The following BZW2 variants were observed in gnomAD, a reference collection of about 807,000 sequenced individuals.
BZW2 encodes eIF5-mimic protein 1.
BZW2 carries 23 observed loss-of-function variants against 53.2 expected under a neutral mutation model. The ratio of observed to expected loss-of-function variants is 0.43; its 90% CI spans 0.31 to 0.61. The LOEUF (loss-of-function observed/expected upper bound fraction) is 0.61. Among genes scored for constraint, BZW2 ranks in the 20% least tolerant of loss-of-function variants. The pLI is 0.09. For missense variants in BZW2, 409 were observed against 503.1 expected, an observed-to-expected ratio of 0.81 and a Z score of 1.79; for synonymous variants, 227 against 186.4, an observed-to-expected ratio of 1.22 and a Z score of -1.77.
At chr7:16,686,803 T>C (rs1185199006) in intron 6 of BZW2, 1 of 152,228 alleles carries the variant, frequency 6.6e-6, no homozygotes, top group Non-Finnish European at 1.5e-5. Flanking sequence ...AGTTTTCTTG[T>C]AGCTAAGGAA....
At chr7:16,704,118 C>T (rs746979796) in intron 10 of BZW2, among the ~76,000 whole-genome samples, 1 of 152,096 alleles carries the variant, frequency 6.6e-6, no homozygotes, top group East Asian at 1.9e-4. Flanking sequence ...AAAAGAAAAT[C>T]CCAATCTCCT....
intron 6 of BZW2, among the ~76,000 whole-genome samples, chr7:16,688,872 A>G (rs767289686): frequency 1.3e-5 from 2 of 152,162 alleles, no homozygotes; most frequent in African/African-American, 2.4e-5. Flanking sequence ...TTTTAAATCC[A>G]GAAGAGTTTA....
At chr7:16,676,352 C>T (rs1367250965) in intron 3 of BZW2, among the ~76,000 whole-genome samples, 1 of 152,024 alleles carries the variant, frequency 6.6e-6, no homozygotes, top group Non-Finnish European at 1.5e-5. Context: ...AGTTCGAGAC[C>T]AGCCTGACCA....
intron 2 of BZW2, among the ~76,000 whole-genome samples, chr7:16,674,112 C>T (rs985322760): frequency 1.3e-5 from 2 of 152,130 alleles, no homozygotes; most frequent in African/African-American, 4.8e-5. Context: ...TTTGGCGAGG[C>T]TGGTCTCGAA....
At chr7:16,695,034 A>G (rs1342144211) in intron 8 of BZW2, 30 bp downstream of exon 8, 1 of 1,504,312 alleles carries the variant, frequency 6.6e-7, no homozygotes, top group Non-Finnish European at 9.0e-7. Context: ...CATCACCTCA[A>G]TACACATGAA....
chr7:16,698,037 T>C lies in BZW2; in HGVS notation c.970-11T>C, dbSNP rs1365754687. 1 of 1,613,858 alleles carries C rather than the reference T, an allele frequency of 6.2e-7. No individual in the cohort carries two copies. Among genetic ancestry groups the C allele is most frequent in the Non-Finnish European group, 8.5e-7 (1 of 1,179,896 alleles). On this transcript the variant is annotated splice_polypyrimidine_tract_variant and intron_variant, in intron 9 of 11. Transcript: ENST00000258761. The stretch of plus-strand genomic sequence containing the variant: ...GCAAGTGACGGCTTTTACTCTCCAC[T>C]TCTGTTCTAGCAATATGCTCCCCTG...
At chr7:16,673,973 CA>C (rs1782688077) in intron 2 of BZW2, among the ~76,000 whole-genome samples, 1 of 152,238 alleles carries the variant, frequency 6.6e-6, no homozygotes, top group Non-Finnish European at 1.5e-5. Context: ...TGTCTCTGCT[CA>C]CCGCAACCTC....
At chr7:16,683,749 TGTTA>T (rs1783028888) in intron 5 of BZW2, among the ~76,000 whole-genome samples, 2 of 152,252 alleles carry the variant, frequency 1.3e-5, no homozygotes, top group African/African-American at 2.4e-5. Context: ...CAGATTTGTT[TGTTA>T]CTTTGTCATT....
chr7:16,692,201 T>C (rs1273483300), intron 7 of BZW2, among the ~76,000 whole-genome samples: 5 of 152,164 alleles, frequency 3.3e-5, no homozygotes. Context: ...GAGCAATTTA[T>C]AGCAACTCAG....
intron 2 of BZW2, among the ~76,000 whole-genome samples, chr7:16,670,295 T>G (rs969735844): frequency 5.3e-5 from 8 of 152,240 alleles, no homozygotes; most frequent in African/African-American, 1.9e-4. Context: ...GATGAAGATC[T>G]TTTTACAAAC....
At chr7:16,686,302 A>C in intron 6 of BZW2, 1 of 394,282 alleles carries the variant, frequency 2.5e-6, no homozygotes, top group South Asian at 2.9e-5. Flanking sequence ...AATCTCATGG[A>C]AGACTTGATG....
At chr7:16,668,472 C>G (rs904623693) in intron 2 of BZW2, among the ~76,000 whole-genome samples, 9 of 152,164 alleles carry the variant, frequency 5.9e-5, no homozygotes, top group African/African-American at 2.2e-4. Flanking sequence ...CATTTTGTGC[C>G]AAACTCCTGA....
chr7:16,686,249 C>T (rs764794963), intron 6 of BZW2: 2 of 660,676 alleles, frequency 3.0e-6, no homozygotes, highest in East Asian at 3.2e-5. Context: ...AAAATATGCA[C>T]ACCTGTACAA....
chr7:16,697,113 TTTTGTTTG>T (rs112462717), intron 9 of BZW2, 52 bp downstream of exon 9: 8 of 1,569,692 alleles, frequency 5.1e-6, no homozygotes, highest in Middle Eastern at 1.7e-4. Context: ...CTGCAGCTTT[TTTTGTTTG>T]TTTGTTTGTT....
chr7:16,678,984 G>A (rs1782855142), intron 3 of BZW2, among the ~76,000 whole-genome samples: 1 of 152,050 alleles, frequency 6.6e-6, no homozygotes, highest in Non-Finnish European at 1.5e-5. Context: ...AGATCACAAG[G>A]CCAGGGCGAA....
rs185482632 is a variant in BZW2 at position 16,674,203 on chromosome 7, A to G, written c.59-209A>G. Among the ~76,000 whole-genome samples the G allele has an allele frequency of 1.1e-3, 169 of 152,302 alleles. 2 individuals are homozygous for G. Among genetic ancestry groups the G allele is most frequent in the Admixed American group, 8.1e-3 (124 of 15,294 alleles). ...GCGTGAGCCACCGCGCCCGGCCTAC[A>G]GTAACTTATTTTAAAAGAGACATCC... On this transcript the variant is annotated intron_variant, in intron 2 of 11. Coordinates refer to ENST00000258761, the MANE Select transcript of BZW2 (RefSeq NM_014038.3).
chr7:16,694,766 CTT>C, intron 7 of BZW2, 66 bp from the exon 8 acceptor site: 1 of 1,287,350 alleles, frequency 7.8e-7, no homozygotes, highest in Non-Finnish European at 1.0e-6. Context: ...GAAATGAAGA[CTT>C]TTGTCCTTTA....
chr7:16,696,940 T>G lies in BZW2; in HGVS notation c.848T>G (p.Met283Arg). 6.2e-7 allele frequency: 1 copy of G among 1,614,078 alleles called. No homozygotes were observed. Among genetic ancestry groups the G allele is most frequent in the Non-Finnish European group, 8.5e-7 (1 of 1,179,970 alleles). ...GTGGTGCTTTATGTCAAAGAAGAAATGAAGAGGAATGATCTTCCAGAAACA... is the reference window on the plus strand; with the variant it reads ...GTGGTGCTTTATGTCAAAGAAGAAAGGAAGAGGAATGATCTTCCAGAAACA... ...KEVVLYVKEE[M>R]KRNDLPETAV... The change falls in exon 9 of 12, where the codon ATG (methionine) becomes AGG (arginine). Residue 283 changes from methionine (M) to arginine (R), a missense_variant. By Grantham distance (91) the Met-to-Arg change is moderately conservative. Around this residue, in one of 3 missense-constraint regions of BZW2, gnomAD observed 316 missense variants for 366.8 expected, o/e 0.86. Coordinates refer to ENST00000258761, the MANE Select transcript of BZW2 (RefSeq NM_014038.3).
At chr7:16,660,208 C>CT (rs1036076841) in intron 1 of BZW2, among the ~76,000 whole-genome samples, 51 of 151,888 alleles carry the variant, frequency 3.4e-4, no homozygotes, top group African/African-American at 1.2e-3. Context: ...ACTCCAAAGT[C>CT]TTTTTTCCAC....
Sources: allele counts gnomAD v4.1 joint callset (sites outside exome capture counted in the v4.1 genomes callset), GRCh38; gene constraint gnomAD v4.1.1; regional missense constraint gnomAD v4.1.1; transcripts MANE v1.5; gene names NCBI Gene and HGNC (gene_info 2026-07-23, HGNC 2026-07-21).